Variants in TEP1 observed in about 807,000 individuals in gnomAD.
TEP1 encodes the protein telomerase protein component 1.
A neutral mutation model predicts 306.3 loss-of-function variants in TEP1; 241 were observed. The observed-to-expected ratio is 0.79, with a 90% CI of 0.71 to 0.88. The LOEUF (loss-of-function observed/expected upper bound fraction) is 0.88. Among genes scored for constraint, TEP1 ranks in the 40% least tolerant of loss-of-function variants. The probability of loss-of-function intolerance (pLI) is 0.00; values close to 1 mark genes in which losing one functional copy is unlikely to be tolerated. For missense variants in TEP1, 3,051 were observed against 3,276.1 expected (o/e 0.93, Z 1.68); for synonymous variants, 1,289 against 1,305.5 (o/e 0.99, Z 0.27).
In TEP1 at chr14:20,379,842, T is replaced by C. The variant is rs749781918; in HGVS notation, c.5127+88A>G. Reference sequence around the variant, plus strand: ...AAAGTTGCTGAATTAATCAGAGTGATAACAGGTGTGTTTGGCTCATCTAGG... The same window carrying C: ...AAAGTTGCTGAATTAATCAGAGTGACAACAGGTGTGTTTGGCTCATCTAGG... On this transcript the variant is annotated intron_variant, in intron 35 of 54. Coordinates refer to ENST00000262715, the MANE Select transcript of TEP1 (RefSeq NM_007110.5). 2.3e-4 allele frequency: 339 copies of C among 1,497,142 alleles called. 1 individual carries two copies. Among genetic ancestry groups the C allele is most frequent in the Non-Finnish European group, 2.7e-4 (306 of 1,119,402 alleles). The allele number at this position is 1,497,142 out of a possible 1,614,324, so 92.7% of individuals were successfully genotyped here. A position where few individuals can be genotyped will look rare whatever the true frequency, so the allele number is the denominator to read the frequency against.
At chr14:20,383,996 C>A in intron 24 of TEP1, 42 bp downstream of exon 24, 1 of 1,584,760 alleles carries the variant, frequency 6.3e-7, no homozygotes, top group Non-Finnish European at 8.6e-7. Context: ...TTAGCCCACA[C>A]AGCCTTCCCT....
Position 20,388,018 on chromosome 14 carries a change from G to A in TEP1, c.2571C>T (p.Gly857=). 1.2e-6 allele frequency: 2 copies of A among 1,614,074 alleles called. No homozygotes were observed. Among genetic ancestry groups the A allele is most frequent in the Non-Finnish European group, 1.7e-6 (2 of 1,180,004 alleles). Residue 857 remains glycine, a synonymous_variant, in exon 18 of 55, where the codon GGC becomes GGT. Coordinates refer to ENST00000262715, the MANE Select transcript of TEP1 (RefSeq NM_007110.5). ...GAATCTTGAATATTTTGTCCATTTG[G>A]CCCACATGTTCCAGAAGATGGGAGG... ...HGASHLLEHV[G]QMDKIFKIPP...
intron 54 of TEP1, 67 bp from the exon 55 acceptor site, chr14:20,368,626 C>T: frequency 6.3e-7 from 1 of 1,598,888 alleles, no homozygotes; most frequent in Non-Finnish European, 8.6e-7. Flanking sequence ...TTTTTTCTCA[C>T]ATTAATGCCT....
chr14:20,403,612 T>C, intron 6 of TEP1, 111 bp downstream of exon 6: 3 of 1,588,970 alleles, frequency 1.9e-6, no homozygotes, highest in Non-Finnish European at 2.6e-6. Flanking sequence ...CCCCTGCATT[T>C]CTCTGACTCC....
Position 20,368,240 on chromosome 14 carries a change from C to CAT in TEP1, c.*195_*196dup. ...AAGAAGAGACACACATTAGAATGTA[C>CAT]ATATACATACACATAGAATATCCTC... is the stretch of plus-strand genomic sequence containing the variant. On this transcript the variant is annotated 3_prime_UTR_variant, in exon 55 of 55. Transcript: ENST00000262715. 1 of 510,016 alleles carries CAT rather than the reference C, an allele frequency of 2.0e-6. No individual in the cohort carries two copies. The highest frequency in any genetic ancestry group is 3.4e-6 in the Non-Finnish European group (1 of 296,298). The allele number at this position is 510,016 out of a possible 1,614,324, so 31.6% of individuals were successfully genotyped here. A position where few individuals can be genotyped will look rare whatever the true frequency, so the allele number is the denominator to read the frequency against.
rs563736779 is a variant in TEP1, at chr14:20,385,564, G to A, written c.2983-455C>T. Among the ~76,000 whole-genome samples, 456 of 152,140 alleles carry A rather than the reference G, an allele frequency of 3.0e-3. 3 individuals carry two copies. Among genetic ancestry groups the A allele is most frequent in the African/African-American group, 0.01 (415 of 41,482 alleles). On this transcript the variant is annotated intron_variant, in intron 20 of 54. Coordinates refer to ENST00000262715, the MANE Select transcript of TEP1 (RefSeq NM_007110.5). ...ATTTTTGTATTTTTAGTAGAGACAG[G>A]GTTTCACCATGTTGGCCAGGCTGGT... is the stretch of plus-strand genomic sequence containing the variant.
chr14:20,380,386 T>G lies in TEP1; in HGVS notation c.4852A>C (p.Ser1618Arg), dbSNP rs1358420033. Reference protein sequence around the residue: ...TFLRQQASILSQYPRLLPQQA... With the variant: ...TFLRQQASILRQYPRLLPQQA... ...TGGGGCAGGAGCCGGGGGTACTGGC[T>G]GAGGATTGAAGCCTGCTGCCTCAGG... Residue 1618 changes from serine (S) to arginine (R), a missense_variant, in exon 34 of 55, where the codon AGC (serine) becomes CGC (arginine). Ser to Arg is a moderately radical substitution (Grantham distance 110). This residue lies in a region of TEP1 where 1,540 missense variants were observed against 1,705.9 expected (regional missense o/e 0.90). Transcript: ENST00000262715. 5.6e-6 allele frequency: 9 copies of G among 1,614,212 alleles called. No homozygotes were observed. In the African/African-American group the frequency reaches 9.3e-5, roughly 17 times the overall value.
Position 20,408,373 on chromosome 14 carries a change from C to G in TEP1, c.67G>C (p.Ala23Pro). 5 of 1,614,068 alleles carry G rather than the reference C, an allele frequency of 3.1e-6. No homozygotes were observed. The highest frequency in any genetic ancestry group is 3.4e-6 in the Non-Finnish European group (4 of 1,180,024). ...AAGGGCTGTAAGTCAGGGAGCATAGCCAGGCACCGGTTCTCCAAGGAGAGG... is the reference window on the plus strand; with the variant it reads ...AAGGGCTGTAAGTCAGGGAGCATAGGCAGGCACCGGTTCTCCAAGGAGAGG... ...DILSLENRCL[A>P]MLPDLQPLEK... The change falls in exon 2 of 55, where the codon GCT (alanine) becomes CCT (proline). Residue 23 changes from alanine (A) to proline (P), a missense_variant. By Grantham distance (27) the Ala-to-Pro change is conservative (BLOSUM62 -1). Transcript: ENST00000262715.
At position 20,395,889 on chromosome 14, in the gene TEP1, C is replaced by A. The variant is rs1466525277; in HGVS notation, c.1720G>T (p.Asp574Tyr). 1.2e-6 allele frequency: 2 copies of A among 1,613,914 alleles called. No individual in the cohort carries two copies. Among genetic ancestry groups the A allele is most frequent in the Non-Finnish European group, 1.7e-6 (2 of 1,179,974 alleles). Residue 574 changes from aspartate (D) to tyrosine (Y), a missense_variant, in exon 11 of 55, where the codon GAT becomes TAT. Transcript: ENST00000262715. Reference sequence around the variant, plus strand: ...TTTCTGAGTTGAGCCTCGAGGGCATCAATGGCATCATGGGCGTTAAGAAAT... The same window carrying A: ...TTTCTGAGTTGAGCCTCGAGGGCATAAATGGCATCATGGGCGTTAAGAAAT... ...FRFLNAHDAI[D>Y]ALEAQLRNQA...
chr14:20,372,369 T>C (rs1207338856), intron 49 of TEP1, among the ~76,000 whole-genome samples: 1 of 99,690 alleles, frequency 1.0e-5, no homozygotes, highest in African/African-American at 3.4e-5. Flanking sequence ...AATATGTGTG[T>C]GTGTGTGTGT....
chr14:20,385,955 T>C, intron 20 of TEP1, 120 bp downstream of exon 20: 1 of 1,394,844 alleles, frequency 7.2e-7, no homozygotes, highest in Non-Finnish European at 9.6e-7. Flanking sequence ...GTATTTCACT[T>C]CAAGTCTCAA....
intron 26 of TEP1, 55 bp downstream of exon 26, chr14:20,383,433 T>C (rs1203528060): frequency 6.2e-7 from 1 of 1,612,302 alleles, no homozygotes; most frequent in East Asian, 2.2e-5. Context: ...CTCCGTGCCG[T>C]ATCCCTCCTT....
chr14:20,380,793 C>T, intron 33 of TEP1, 138 bp downstream of exon 33: 1 of 768,320 alleles, frequency 1.3e-6, no homozygotes, highest in Non-Finnish European at 2.1e-6. Flanking sequence ...ACCCTCTTGG[C>T]ATTTTCAACT....
At position 20,408,426 on chromosome 14, in the gene TEP1, T is replaced by C. The variant is rs763697276; in HGVS notation, c.14A>G (p.His5Arg). The change falls in exon 2 of 55, where the codon CAT becomes CGT. Residue 5 changes from histidine (H) to arginine (R), a missense_variant. Transcript: ENST00000262715. ...GTCTGGATGGGCAGACACATGCCCA[T>C]GGAGTTTTTCCATGGCTGAAACTCA... is the stretch of plus-strand genomic sequence containing the variant. MEKL[H>R]GHVSAHPDIL... 3 of 1,612,948 alleles carry C rather than the reference T, an allele frequency of 1.9e-6. No individual in the cohort carries two copies. Among genetic ancestry groups the C allele is most frequent in the Non-Finnish European group, 2.5e-6 (3 of 1,179,772 alleles).
chr14:20,409,937 G>A (rs529990392), intron 1 of TEP1, among the ~76,000 whole-genome samples: 1 of 147,618 alleles, frequency 6.8e-6, no homozygotes, highest in African/African-American at 2.5e-5. Flanking sequence ...CAGGAGAATG[G>A]CGTGAACCAG....
Position 20,378,989 on chromosome 14 carries a change from A to G in TEP1, c.5244T>C (p.His1748=), listed in dbSNP as rs1222916239. 5.6e-6 allele frequency: 9 copies of G among 1,614,064 alleles called. No individual in the cohort carries two copies. Among genetic ancestry groups the G allele is most frequent in the Non-Finnish European group, 5.9e-6 (7 of 1,180,016 alleles). Residue 1748 remains histidine (H), a synonymous_variant, in exon 36 of 55, where the codon CAT becomes CAC. Transcript: ENST00000262715. ...DGLLELWDLQ[H]GCRVLQTKAH... ...TGGGGAGGACCCCTTACCGACAACCATGCTGCAGGTCCCAGAGCTCCAGGA... is the reference window on the plus strand; with the variant it reads ...TGGGGAGGACCCCTTACCGACAACCGTGCTGCAGGTCCCAGAGCTCCAGGA...
rs149273269 is a variant in TEP1 at position 20,382,252 on chromosome 14, G to A, written c.4245C>T (p.Ala1415=). 226 of 1,614,044 alleles carry A rather than the reference G, an allele frequency of 1.4e-4. No homozygotes were observed. The highest frequency in any genetic ancestry group is 1.9e-4 in the Non-Finnish European group (223 of 1,180,042). The change falls in exon 29 of 55, where the codon GCC becomes GCT. Residue 1415 remains alanine, a synonymous_variant. Coordinates refer to ENST00000262715, the MANE Select transcript of TEP1 (RefSeq NM_007110.5). The part of the protein sequence containing the change: ...KEHGPDVLPQ[A]LTALEVTRSG... The stretch of plus-strand genomic sequence containing the variant: ...TCCGTGTGACTTCTAGGGCAGTCAA[G>A]GCCTGGGGAAGGACATCAGGCCCGT...
intron 35 of TEP1, 65 bp from the exon 36 acceptor site, chr14:20,379,170 C>T (rs978740936): frequency 1.0e-4 from 164 of 1,572,622 alleles, no homozygotes; most frequent in Non-Finnish European, 1.3e-4. Flanking sequence ...CCCACCACTC[C>T]AGGCCCCACC....
Position 20,380,294 on chromosome 14 carries a change from C to T in TEP1, c.4944G>A (p.Trp1648Ter), listed in dbSNP as rs772800825. 1.2e-4 allele frequency: 200 copies of T among 1,614,004 alleles called. No individual in the cohort carries two copies. The highest frequency in any genetic ancestry group is 1.6e-4 in the Non-Finnish European group (192 of 1,180,028). Residue 1648 changes from tryptophan to a stop codon, truncating the protein, a stop_gained, in exon 34 of 55, where the codon TGG (tryptophan) becomes TGA (stop). Transcript: ENST00000262715. LOFTEE classifies it high-confidence loss of function. ...GCCATCGTAGTGTGTGTTGGAGGTG[C>T]CATCTCCGGGAGAGCAGCGAGGCTT... ...CHQASLLSRR[W>*]HLQHTLRWLN...
Sources: gnomAD v4.1 joint callset for allele counts (sites outside exome capture counted in the v4.1 genomes callset) on GRCh38, gnomAD v4.1.1 for gene constraint, gnomAD v4.1.1 regional missense constraint, MANE v1.5 for transcripts, NCBI Gene and HGNC (gene_info 2026-07-23, HGNC 2026-07-21) for gene names.